Variants in ADCY8 observed in about 807,000 individuals in gnomAD.
ADCY8 encodes the protein adenylate cyclase 8.
In ADCY8, 51 loss-of-function variants were observed where a neutral mutation model predicts 119.7. The ratio of observed to expected loss-of-function variants is 0.43; its 90% CI spans 0.34 to 0.54. ADCY8 has a LOEUF of 0.54. Ranked by LOEUF, ADCY8 falls within the 20% of genes least tolerant of loss-of-function variation. ADCY8 has a pLI of 0.03. For missense variants in ADCY8, 1,383 were observed against 1,598.8 expected (o/e 0.87, Z 2.30); for synonymous variants, 665 against 651.0 (o/e 1.02, Z -0.33).
chr8:130,976,184 T>C (rs1248429730), intron 2 of ADCY8, among the ~76,000 whole-genome samples: 4 of 152,062 alleles, frequency 2.6e-5, no homozygotes, highest in African/African-American at 9.7e-5. Flanking sequence ...TTAAATAACT[T>C]GGGGGTGGGG....
chr8:131,003,062 A>G (rs908815165), intron 1 of ADCY8, among the ~76,000 whole-genome samples: 2 of 152,098 alleles, frequency 1.3e-5, no homozygotes, highest in Non-Finnish European at 2.9e-5. Context: ...TTAGCCGGGC[A>G]TGGTGGTGGA....
chr8:130,873,818 TTTGGA>T (rs1275302457), intron 8 of ADCY8, among the ~76,000 whole-genome samples: 7 of 152,128 alleles, frequency 4.6e-5, no homozygotes, highest in Non-Finnish European at 1.0e-4. Flanking sequence ...CCATTTCATT[TTTGGA>T]TAAATTTAGT....
chr8:130,798,554 G>T (rs530278695), intron 15 of ADCY8, among the ~76,000 whole-genome samples: 1 of 152,250 alleles, frequency 6.6e-6, no homozygotes, highest in South Asian at 2.1e-4. Flanking sequence ...GACAGTGAGT[G>T]CAAGACCTAC....
intron 15 of ADCY8, among the ~76,000 whole-genome samples, chr8:130,793,318 T>C (rs79692733): frequency 9.2e-5 from 14 of 152,294 alleles, no homozygotes; most frequent in African/African-American, 3.4e-4. Flanking sequence ...GGTCGGGGGA[T>C]TTTTTGAGAT....
Position 130,780,866 on chromosome 8 carries a change from C to G in ADCY8, c.3280G>C (p.Gly1094Arg). ...NFELRIGISHGSVVAGVIGAK... is the reference protein window; with the variant it reads ...NFELRIGISHRSVVAGVIGAK... The stretch of plus-strand genomic sequence containing the variant: ...CCGATAACGCCAGCTACCACTGAGC[C>G]GTGGCTGATGCCTGGGGGGTGAAGC... The change falls in exon 18 of 18, where the codon GGC (glycine) becomes CGC (arginine). Residue 1094 changes from glycine to arginine, a missense_variant. By Grantham distance (125) the Gly-to-Arg change is moderately radical. Coordinates refer to ENST00000286355, the MANE Select transcript of ADCY8 (RefSeq NM_001115.3). 1 of 1,613,290 alleles carries G rather than the reference C, an allele frequency of 6.2e-7. No individual in the cohort carries two copies. The highest frequency in any genetic ancestry group is 1.1e-5 in the South Asian group (1 of 91,052).
At chr8:130,951,721 G>T in intron 3 of ADCY8, 147 bp downstream of exon 3, 1 of 951,018 alleles carries the variant, frequency 1.1e-6, no homozygotes. Context: ...AGAACTCTCT[G>T]ATGAATAATC....
At chr8:130,793,770 G>T (rs1586418613) in intron 15 of ADCY8, among the ~76,000 whole-genome samples, 1 of 152,138 alleles carries the variant, frequency 6.6e-6, no homozygotes, top group South Asian at 2.1e-4. Context: ...GAACATATTA[G>T]TTTAGAAGAT....
chr8:131,002,240 T>G (rs945142431), intron 1 of ADCY8, among the ~76,000 whole-genome samples: 3 of 152,254 alleles, frequency 2.0e-5, no homozygotes, highest in Admixed American at 2.0e-4. Context: ...CAATATGTAT[T>G]GACTGTGGTT....
chr8:130,949,801 T>C (rs28491358), intron 3 of ADCY8: 105,541 of 152,088 alleles, frequency 0.69, 40,389 homozygotes, highest in East Asian at 0.93. Context: ...CTATTATGAT[T>C]AATAGGTTCC....
intron 15 of ADCY8, among the ~76,000 whole-genome samples, chr8:130,796,985 C>T (rs1815600769): frequency 6.6e-6 from 1 of 152,172 alleles, no homozygotes; most frequent in Admixed American, 6.5e-5. Flanking sequence ...GGGGCACTGC[C>T]CTCTTTCTCC....
chr8:131,004,743 A>G (rs1387337009), intron 1 of ADCY8, among the ~76,000 whole-genome samples: 1 of 152,180 alleles, frequency 6.6e-6, no homozygotes, highest in Non-Finnish European at 1.5e-5. Context: ...GAGCTTACAG[A>G]CTAATAATAT....
intron 1 of ADCY8, among the ~76,000 whole-genome samples, chr8:131,003,206 T>TCTCTCACACACACACACA (rs372048150): frequency 6.5e-5 from 9 of 137,486 alleles, no homozygotes; most frequent in African/African-American, 2.5e-4. Context: ...TGAAACACCA[T>TCTCTCACACACACACACA]CACACACACA....
chr8:130,896,513 C>G (rs1819394702), intron 7 of ADCY8, among the ~76,000 whole-genome samples: 1 of 152,038 alleles, frequency 6.6e-6, no homozygotes. Context: ...GGAAAGAAAT[C>G]AAATCCCAGG....
chr8:130,866,108 C>A (rs1352438716), intron 9 of ADCY8, among the ~76,000 whole-genome samples: 1 of 152,026 alleles, frequency 6.6e-6, no homozygotes. Context: ...CTACCCACTT[C>A]TATATTGGAA....
At chr8:130,933,846 A>G in intron 5 of ADCY8, among the ~76,000 whole-genome samples, 1 of 152,268 alleles carries the variant, frequency 6.6e-6, no homozygotes, top group Non-Finnish European at 1.5e-5. Flanking sequence ...AGGCTAAGAT[A>G]CAAATCCTTA....
chr8:130,816,550 C>T (rs1816352797), intron 13 of ADCY8, among the ~76,000 whole-genome samples: 1 of 151,752 alleles, frequency 6.6e-6, no homozygotes, highest in Non-Finnish European at 1.5e-5. Context: ...CTCAGCCCCC[C>T]GAGTAGCTGG....
chr8:131,023,999 A>G (rs1321715122), intron 1 of ADCY8, among the ~76,000 whole-genome samples: 1 of 152,222 alleles, frequency 6.6e-6, no homozygotes, highest in Non-Finnish European at 1.5e-5. Context: ...TGTTCTAGAT[A>G]CAGGGCAAAG....
intron 15 of ADCY8, among the ~76,000 whole-genome samples, chr8:130,795,780 GGTGTGT>G (rs140027471): frequency 1.3e-5 from 2 of 150,948 alleles, no homozygotes; most frequent in Non-Finnish European, 3.0e-5. Context: ...GCTTGGCTTT[GGTGTGT>G]GTGTGTGTGT....
chr8:130,986,877 A>G (rs574571691), intron 2 of ADCY8, among the ~76,000 whole-genome samples: 146 of 152,196 alleles, frequency 9.6e-4, no homozygotes, highest in Non-Finnish European at 1.8e-3. Context: ...TCCACTTAAG[A>G]GGTTCACAAT....
Sources: allele counts gnomAD v4.1 joint callset (sites outside exome capture counted in the v4.1 genomes callset), GRCh38; gene constraint gnomAD v4.1.1; transcripts MANE v1.5; gene names NCBI Gene and HGNC (gene_info 2026-07-23, HGNC 2026-07-21).